Variants in PPP1R12B observed in about 807,000 individuals in gnomAD.
The protein encoded by PPP1R12B is protein phosphatase 1 regulatory subunit 12B, also known as myosin phosphatase target subunit 2.
A neutral mutation model predicts 126.1 loss-of-function variants in PPP1R12B; 76 were observed. The ratio of observed to expected loss-of-function variants is 0.60; its 90% confidence interval spans 0.50 to 0.73. PPP1R12B has a LOEUF of 0.73. PPP1R12B is among the 30% of genes least tolerant of loss of function. The pLI, the probability that PPP1R12B is intolerant of heterozygous loss-of-function variation, is 0.00. For synonymous variants in PPP1R12B, 356 were observed against 434.7 expected (o/e 0.82, Z 2.25); for missense variants, 1,052 against 1,205.1 (o/e 0.87, Z 1.88).
intron 1 of PPP1R12B, among the ~76,000 whole-genome samples, chr1:202,351,631 A>G (rs914455836): frequency 8.5e-5 from 13 of 152,202 alleles, no homozygotes; most frequent in African/African-American, 2.7e-4. Context: ...CAATGGATTC[A>G]CCTTCTGTGA....
chr1:202,462,878 C>T (rs2148762080), intron 13 of PPP1R12B: 1 of 985,350 alleles, frequency 1.0e-6, no homozygotes, highest in Non-Finnish European at 1.2e-6. Context: ...TCTGAGATAG[C>T]TTGACCTGCT....
chr1:202,417,741 T>C (rs997292488), intron 2 of PPP1R12B, among the ~76,000 whole-genome samples: 3 of 152,330 alleles, frequency 2.0e-5, no homozygotes, highest in East Asian at 1.9e-4. Context: ...AAAATCAGAT[T>C]GCTTGTGTGA....
intron 1 of PPP1R12B, among the ~76,000 whole-genome samples, chr1:202,411,040 G>T (rs1220714917): frequency 6.6e-6 from 1 of 151,992 alleles, no homozygotes; most frequent in Non-Finnish European, 1.5e-5. Flanking sequence ...TCTGTGTAGA[G>T]GTATGGTGTT....
intron 4 of PPP1R12B, among the ~76,000 whole-genome samples, chr1:202,426,032 T>G (rs527358819): frequency 6.6e-6 from 1 of 152,326 alleles, no homozygotes; most frequent in South Asian, 2.1e-4. Flanking sequence ...GACCTCTTCT[T>G]GTGACCTGTA....
chr1:202,491,447 C>A (rs1230020268), intron 14 of PPP1R12B, among the ~76,000 whole-genome samples: 1 of 152,102 alleles, frequency 6.6e-6, no homozygotes, highest in Non-Finnish European at 1.5e-5. Flanking sequence ...CCATGCCCAG[C>A]CTGTTTTTTT....
intron 13 of PPP1R12B, among the ~76,000 whole-genome samples, chr1:202,483,783 A>G (rs1677718729): frequency 6.6e-6 from 1 of 152,170 alleles, no homozygotes; most frequent in African/African-American, 2.4e-5. Context: ...TGCTTTATAT[A>G]TCTGGGCGCT....
intron 7 of PPP1R12B, 65 bp from the exon 8 acceptor site, chr1:202,431,415 T>C: frequency 7.3e-7 from 1 of 1,366,216 alleles, no homozygotes; most frequent in Non-Finnish European, 1.0e-6. Context: ...GTTTATAGAC[T>C]TGTTCCCTTT....
rs1553260733 is a variant in PPP1R12B at position 202,353,629 on chromosome 1, T to TGA, written c.291+4488_291+4489dup. On this transcript the variant is annotated intron_variant, in intron 1 of 23. Coordinates refer to ENST00000608999, the MANE Select transcript of PPP1R12B (RefSeq NM_002481.4). ...GTGTGTGTGTGTGTGTGTGTGTGTG[T>TGA]GACAGGGTCTTGCCCTGTTACCCAG... 9.8e-3 allele frequency among the ~76,000 whole-genome samples: 1,352 copies of TGA among 138,150 alleles called. 27 individuals are homozygous for TGA. The highest frequency in any genetic ancestry group is 0.057 in the East Asian group (259 of 4,516). The allele number at this position is 138,150 out of a possible 152,430, so 90.6% of individuals were successfully genotyped here.
chr1:202,439,665 GC>G, intron 10 of PPP1R12B: 1 of 691,150 alleles, frequency 1.4e-6, no homozygotes. Flanking sequence ...TCCTGGTCCG[GC>G]CCCCTTCTCC....
chr1:202,508,225 G>A lies in PPP1R12B; in HGVS notation c.2490+11403G>A, dbSNP rs568265231. On this transcript the variant is annotated intron_variant, in intron 18 of 23. Coordinates refer to ENST00000608999, the MANE Select transcript of PPP1R12B (RefSeq NM_002481.4). The surrounding 1 kb of genome is among the most constrained non-coding windows in gnomAD (Gnocchi z 4.5). The stretch of plus-strand genomic sequence containing the variant: ...GCCATTTAGTGACATGAATCTCTTC[G>A]TAGAGAAACCATAGTTTTGTAACCT... Among the ~76,000 whole-genome samples, 59 of 152,274 alleles carry A rather than the reference G, an allele frequency of 3.9e-4. No homozygotes were observed. The highest frequency in any genetic ancestry group is 1.3e-3 in the African/African-American group (52 of 41,564).
At position 202,440,761 on chromosome 1, in the gene PPP1R12B, CA is replaced by C. The variant is rs1452755845; in HGVS notation, c.1516del (p.Ser506ValfsTer15). ...SSLAPRKLNSTSDIEEKENRE... is the reference protein window; with the variant it reads ...SSLAPRKLNSXSDIEEKENRE... ...CTAGCACCCCGGAAGCTCAACAGCA[CA>C]AGTGATATTGAAGAAAAGGAGAACA... On this transcript the variant is annotated frameshift_variant, in exon 11 of 24. Transcript: ENST00000608999. LOFTEE classifies it high-confidence loss of function. 6.2e-7 allele frequency: 1 copy of C among 1,613,898 alleles called. No individual in the cohort carries two copies. Among genetic ancestry groups the C allele is most frequent in the African/African-American group, 1.3e-5 (1 of 75,030 alleles).
At chr1:202,502,166 A>G (rs1165105539) in intron 18 of PPP1R12B, 18 of 984,742 alleles carry the variant, frequency 1.8e-5, no homozygotes, top group South Asian at 4.7e-5. Context: ...CCAGAATGCA[A>G]TCAGTAGGTC....
chr1:202,522,523 C>G (rs1249488055), intron 18 of PPP1R12B, among the ~76,000 whole-genome samples: 1 of 151,836 alleles, frequency 6.6e-6, no homozygotes, highest in Non-Finnish European at 1.5e-5. Context: ...TAAATGCTTT[C>G]ACTCCATTCA....
At chr1:202,494,014 C>G (rs1245178184) in intron 15 of PPP1R12B, among the ~76,000 whole-genome samples, 1 of 152,104 alleles carries the variant, frequency 6.6e-6, no homozygotes, top group Non-Finnish European at 1.5e-5. Flanking sequence ...CCTGGTTTAC[C>G]TAAGATGGTT....
At chr1:202,349,285 T>C (rs1655475086) in intron 1 of PPP1R12B, 143 bp downstream of exon 1, 15 of 983,984 alleles carry the variant, frequency 1.5e-5, no homozygotes, top group Non-Finnish European at 2.2e-5. Context: ...GGTTTCATTC[T>C]TGGCCAGCTT....
At chr1:202,528,774 G>A (rs1440809374) in intron 18 of PPP1R12B, among the ~76,000 whole-genome samples, 1 of 150,856 alleles carries the variant, frequency 6.6e-6, no homozygotes, top group Non-Finnish European at 1.5e-5. Context: ...TACACAGATT[G>A]TTTTTTACCT....
At chr1:202,414,610 T>G (rs1289180671) in intron 1 of PPP1R12B, among the ~76,000 whole-genome samples, 1 of 152,188 alleles carries the variant, frequency 6.6e-6, no homozygotes, top group African/African-American at 2.4e-5. Flanking sequence ...CACATTTTAT[T>G]GCAACACATA....
At chr1:202,459,346 G>A (rs946686050) in intron 13 of PPP1R12B, among the ~76,000 whole-genome samples, 9 of 152,026 alleles carry the variant, frequency 5.9e-5, no homozygotes, top group African/African-American at 1.2e-4. Flanking sequence ...TTAATTATAG[G>A]GACAACAGTC....
intron 23 of PPP1R12B, among the ~76,000 whole-genome samples, chr1:202,573,249 G>T (rs1003316317): frequency 2.0e-5 from 3 of 152,068 alleles, no homozygotes; most frequent in Non-Finnish European, 4.4e-5. Flanking sequence ...CTTACAGTGG[G>T]CAAGGAAGAT....
Sources: allele counts gnomAD v4.1 joint callset (sites outside exome capture counted in the v4.1 genomes callset), GRCh38; gene constraint gnomAD v4.1.1; non-coding constraint Gnocchi (gnomAD v3.1); transcripts MANE v1.5; gene names NCBI Gene and HGNC (gene_info 2026-07-23, HGNC 2026-07-21).